The following ANKRD10 variants were observed in gnomAD, a reference collection of about 807,000 sequenced individuals.
ANKRD10 encodes the protein ankyrin repeat domain-containing protein 10.
ANKRD10 carries 14 observed loss-of-function variants against 27.0 expected under a neutral mutation model. The ratio of observed to expected loss-of-function variants is 0.52; its 90% CI spans 0.34 to 0.81. The LOEUF (loss-of-function observed/expected upper bound fraction) is 0.81, where lower values mean the gene tolerates loss of function less well. Ranked by LOEUF, ANKRD10 falls within the 40% of genes least tolerant of loss-of-function variation. The pLI is 0.01. For synonymous variants in ANKRD10, 250 were observed against 224.5 expected (o/e 1.11, Z -1.01); for missense variants, 493 against 544.0 (o/e 0.91, Z 0.93).
intron 1 of ANKRD10, 38 bp from the exon 2 acceptor site, chr13:110,910,808 T>C (rs768039455): frequency 3.5e-5 from 56 of 1,592,932 alleles, no homozygotes; most frequent in Non-Finnish European, 4.6e-5. Flanking sequence ...CACGCAGACA[T>C]GTCAGTACAC....
chr13:110,895,528 A>G lies in ANKRD10; in HGVS notation c.456-2265T>C, dbSNP rs1446252021. Reference sequence around the variant, plus strand: ...CTTGAACCTGGGAGGCAGAGGCTGCAGTGAGCCGAGATCACACCACTGCAC... The same window carrying G: ...CTTGAACCTGGGAGGCAGAGGCTGCGGTGAGCCGAGATCACACCACTGCAC... On this transcript the variant is annotated intron_variant, in intron 3 of 5. Coordinates refer to ENST00000267339, the MANE Select transcript of ANKRD10 (RefSeq NM_017664.4). Among the ~76,000 whole-genome samples, 3 of 151,728 alleles carry G rather than the reference A, an allele frequency of 2.0e-5. No homozygotes were observed. The East Asian group carries it at 5.8e-4, about 29-fold the overall frequency.
intron 2 of ANKRD10, among the ~76,000 whole-genome samples, chr13:110,909,008 T>C (rs941348143): frequency 6.6e-6 from 1 of 152,070 alleles, no homozygotes; most frequent in Non-Finnish European, 1.5e-5. Flanking sequence ...AGGTGTTATC[T>C]AGAGGCATCT....
rs983174666 is a variant in ANKRD10, at chr13:110,888,459, ATTT to A, written c.691+4566_691+4568del. Among the ~76,000 whole-genome samples, 249 of 152,238 alleles carry A rather than the reference ATTT, an allele frequency of 1.6e-3. 1 individual carries two copies. The highest frequency in any genetic ancestry group is 5.2e-3 in the African/African-American group (216 of 41,526). On this transcript the variant is annotated intron_variant, in intron 4 of 5. Coordinates refer to ENST00000267339, the MANE Select transcript of ANKRD10 (RefSeq NM_017664.4). The stretch of plus-strand genomic sequence containing the variant: ...AGGTGTGTTCTATCATCCTGGCCAC[ATTT>A]TTATAAACAAATATACTGCAAATTT...
intron 2 of ANKRD10, among the ~76,000 whole-genome samples, chr13:110,908,749 C>T (rs922655585): frequency 1.3e-5 from 2 of 152,142 alleles, no homozygotes; most frequent in African/African-American, 2.4e-5. Flanking sequence ...TTGAAATTCA[C>T]CCACTACATA....
rs2065124556 is a variant in ANKRD10 at position 110,893,014 on chromosome 13, C to T, written c.691+14G>A. The T allele has an allele frequency of 1.2e-6, 2 of 1,612,958 alleles. No individual in the cohort carries two copies. Among genetic ancestry groups the T allele is most frequent in the South Asian group, 2.2e-5 (2 of 90,956 alleles). On this transcript the variant is annotated intron_variant, in intron 4 of 5. Transcript: ENST00000267339. ...AAAATAAGTGTGCTCTTCCCACCCGCAAAGCGGTCTCACCTTCAGTTCTAG... is the reference window on the plus strand; with the variant it reads ...AAAATAAGTGTGCTCTTCCCACCCGTAAAGCGGTCTCACCTTCAGTTCTAG...
intron 5 of ANKRD10, 91 bp downstream of exon 5, chr13:110,883,607 T>C: frequency 1.3e-6 from 2 of 1,565,460 alleles, no homozygotes; most frequent in Non-Finnish European, 1.7e-6. Flanking sequence ...TATTTCTATT[T>C]CTTTTGGTCC....
intron 3 of ANKRD10, among the ~76,000 whole-genome samples, chr13:110,897,652 C>T (rs2065265351): frequency 6.6e-6 from 1 of 152,076 alleles, no homozygotes; most frequent in Non-Finnish European, 1.5e-5. Context: ...GTGAATAGTG[C>T]TGGAACGAGC....
chr13:110,903,147 A>G (rs2065431211), intron 3 of ANKRD10, among the ~76,000 whole-genome samples: 1 of 152,184 alleles, frequency 6.6e-6, no homozygotes, highest in Non-Finnish European at 1.5e-5. Flanking sequence ...TCTTCCAGTC[A>G]ATACCTGAGT....
At chr13:110,903,429 A>G (rs1006605813) in intron 3 of ANKRD10, 2 of 154,640 alleles carry the variant, frequency 1.3e-5, no homozygotes, top group Non-Finnish European at 2.9e-5. Flanking sequence ...ACCAAAACTC[A>G]AGATTTAAAA....
At chr13:110,897,266 T>C (rs951276326) in intron 3 of ANKRD10, among the ~76,000 whole-genome samples, 8 of 149,892 alleles carry the variant, frequency 5.3e-5, no homozygotes, top group African/African-American at 2.0e-4. Flanking sequence ...TAGCTAGGTA[T>C]ACAGGCATGT....
chr13:110,887,603 C>T (rs2064966620), intron 4 of ANKRD10, among the ~76,000 whole-genome samples: 1 of 152,218 alleles, frequency 6.6e-6, no homozygotes, highest in East Asian at 1.9e-4. Flanking sequence ...GCCAGCAGGA[C>T]ATTACTCCCA....
At chr13:110,886,565 C>T (rs1472424701) in intron 4 of ANKRD10, among the ~76,000 whole-genome samples, 2 of 152,094 alleles carry the variant, frequency 1.3e-5, no homozygotes, top group Non-Finnish European at 2.9e-5. Flanking sequence ...ATATTAAGCC[C>T]GCAATTATCT....
rs1269622723 is a variant in ANKRD10, at chr13:110,914,728, G to A, written c.207C>T (p.Gly69=). ...WTPVHWAAHF[G]KLECLVQLVR... ...GCCTTAAAGCGTTCGCACCCACCTT[G>A]CCGAAATGCGCGGCCCAGTGCACGG... Residue 69 remains glycine, a synonymous_variant, in exon 1 of 6, where the codon GGC becomes GGT. Transcript: ENST00000267339. 2.5e-6 allele frequency: 4 copies of A among 1,581,280 alleles called. No homozygotes were observed. In the Admixed American group the frequency reaches 7.1e-5, roughly 28 times the overall value.
At position 110,883,768 on chromosome 13, in the gene ANKRD10, T is replaced by G; in HGVS notation, c.717A>C (p.Pro239=). 1 of 1,614,186 alleles carries G rather than the reference T, an allele frequency of 6.2e-7. No homozygotes were observed. Among genetic ancestry groups the G allele is most frequent in the South Asian group, 1.1e-5 (1 of 91,086 alleles). The change falls in exon 5 of 6, where the codon CCA becomes CCC. Residue 239 remains proline (P), a synonymous_variant. Coordinates refer to ENST00000267339, the MANE Select transcript of ANKRD10 (RefSeq NM_017664.4). The stretch of plus-strand genomic sequence containing the variant: ...CGTCTTCTGTGTCGCCATTCGTGAG[T>G]GGCACGGCAGAATCCAAGCTTTGAG... ...TEAQSLDSAV[P]LTNGDTEDDA... is the part of the protein sequence containing the mutation.
intron 3 of ANKRD10, among the ~76,000 whole-genome samples, chr13:110,900,951 T>A (rs564260514): frequency 6.6e-6 from 1 of 152,284 alleles, no homozygotes; most frequent in South Asian, 2.1e-4. Context: ...TTTTTTAGCA[T>A]GAAGCCAATT....
intron 3 of ANKRD10, among the ~76,000 whole-genome samples, chr13:110,896,420 G>A (rs2065228265): frequency 6.6e-6 from 1 of 152,124 alleles, no homozygotes; most frequent in Admixed American, 6.5e-5. Context: ...ACCTGACTCA[G>A]GAACACAACA....
chr13:110,891,741 G>A (rs1007552175), intron 4 of ANKRD10, among the ~76,000 whole-genome samples: 9 of 151,970 alleles, frequency 5.9e-5, no homozygotes, highest in Admixed American at 1.3e-4. Flanking sequence ...TTAAACCAAC[G>A]GGCAAAACTT....
intron 5 of ANKRD10, among the ~76,000 whole-genome samples, chr13:110,881,151 G>A (rs1026493099): frequency 6.6e-6 from 1 of 152,200 alleles, no homozygotes; most frequent in African/African-American, 2.4e-5. Context: ...TATAAGGGAT[G>A]ATCTAAAATT....
Position 110,879,753 on chromosome 13 carries a change from T to C in ANKRD10, c.1147A>G (p.Thr383Ala). The change falls in exon 6 of 6, where the codon ACT becomes GCT. Residue 383 changes from threonine (T) to alanine (A), a missense_variant. Physicochemically the swap from Thr to Ala is moderately conservative, Grantham distance 58. Transcript: ENST00000267339. The stretch of plus-strand genomic sequence containing the variant: ...TTCAGTTCTGGGATGCTTTCAGCAG[T>C]GTCCCCAAACCCGTGGTAGTGTCCA... Reference protein sequence around the residue: ...YYGHYHGFGDTAESIPELNSV... With the variant: ...YYGHYHGFGDAAESIPELNSV... 2 of 1,614,248 alleles carry C rather than the reference T, an allele frequency of 1.2e-6. No homozygotes were observed. The highest frequency in any genetic ancestry group is 1.1e-5 in the South Asian group (1 of 91,086).
Sources: allele counts gnomAD v4.1 joint callset (sites outside exome capture counted in the v4.1 genomes callset), GRCh38; gene constraint gnomAD v4.1.1; transcripts MANE v1.5; gene names NCBI Gene and HGNC (gene_info 2026-07-23, HGNC 2026-07-21).